The following RASA3 variants were observed in gnomAD, a reference collection of about 807,000 sequenced individuals.
RASA3 encodes ras GTPase-activating protein 3.
RASA3 carries 73 observed loss-of-function variants against 110.0 expected under a neutral mutation model. The ratio of observed to expected loss-of-function variants is 0.66; its 90% CI spans 0.55 to 0.81. RASA3 has a LOEUF of 0.81. Among genes scored for constraint, RASA3 ranks in the 30% least tolerant of loss-of-function variants. RASA3 has a pLI of 0.00. For synonymous variants in RASA3, 500 were observed against 451.4 expected, an observed-to-expected ratio of 1.11 and a Z score of -1.37; for missense variants, 976 against 1,113.2, an observed-to-expected ratio of 0.88 and a Z score of 1.75.
rs148159917 is a variant in RASA3 at position 114,013,217 on chromosome 13, G to C, written c.1437C>G (p.Ser479Arg). 2 of 1,613,236 alleles carry C rather than the reference G, an allele frequency of 1.2e-6. No individual in the cohort carries two copies. Among genetic ancestry groups the C allele is most frequent in the Non-Finnish European group, 1.7e-6 (2 of 1,179,672 alleles). Residue 479 changes from serine to arginine, a missense_variant, in exon 15 of 24, where the codon AGC becomes AGG. Transcript: ENST00000334062. ...CAAAGAACCTCAGGAAGATGAAGCT[G>C]CTCACTGCAGTGTACCTGACGTCCG... The part of the protein sequence containing the change: ...DDPDVRYTAV[S>R]SFIFLRFFAP...
At chr13:114,127,997 C>A (rs1042901017) in intron 1 of RASA3, among the ~76,000 whole-genome samples, 1 of 152,246 alleles carries the variant, frequency 6.6e-6, no homozygotes, top group Non-Finnish European at 1.5e-5. Flanking sequence ...AGGCAAGGCC[C>A]GGGCCCCAGG....
intron 22 of RASA3, among the ~76,000 whole-genome samples, chr13:113,989,407 A>T (rs1237498524): frequency 4.8e-5 from 6 of 125,022 alleles, no homozygotes; most frequent in Non-Finnish European, 6.6e-5. Context: ...TCCATCACTC[A>T]CCCATCCTTC....
At chr13:113,999,745 GCCGGGGGGTCTCCCAGGGGGTCTTTA>G (rs1453356957) in intron 19 of RASA3, 78 bp from the exon 20 acceptor site, 106 of 1,181,702 alleles carry the variant, frequency 9.0e-5, no homozygotes, top group Admixed American at 3.0e-4. Context: ...AGGGGTCTCT[GCCGGGGGGTCTCCCAGGGGGTCTTTA>G]CCGGGGGGTC....
At chr13:114,124,380 A>G (rs988670439) in intron 1 of RASA3, among the ~76,000 whole-genome samples, 2 of 152,218 alleles carry the variant, frequency 1.3e-5, no homozygotes, top group Admixed American at 1.3e-4. Context: ...CAGAAAAACA[A>G]AATCTCCCAG....
intron 1 of RASA3, among the ~76,000 whole-genome samples, chr13:114,087,470 A>G (rs1232627166): frequency 2.0e-5 from 3 of 152,244 alleles, no homozygotes; most frequent in Non-Finnish European, 4.4e-5. Flanking sequence ...GACCTCCTGG[A>G]GATGGGCGCG....
intron 2 of RASA3, among the ~76,000 whole-genome samples, chr13:114,054,258 C>T (rs1448735235): frequency 1.3e-5 from 2 of 152,164 alleles, no homozygotes; most frequent in African/African-American, 4.8e-5. Context: ...TAAATGATGA[C>T]AAATAATTCA....
At position 114,026,714 on chromosome 13, in the gene RASA3, C is replaced by A. The variant is rs552510652; in HGVS notation, c.603+675G>T. Among the ~76,000 whole-genome samples the A allele has an allele frequency of 3.7e-4, 57 of 152,382 alleles. 1 individual carries two copies. Among genetic ancestry groups the A allele is most frequent in the African/African-American group, 1.3e-3 (52 of 41,598 alleles). On this transcript the variant is annotated intron_variant, in intron 7 of 23. Transcript: ENST00000334062. Reference sequence around the variant, plus strand: ...GCCACAGAGGCCTCATCCATCCTCACATCTCCAGGGCCTGTGCACCGGAAT... The same window carrying A: ...GCCACAGAGGCCTCATCCATCCTCAAATCTCCAGGGCCTGTGCACCGGAAT...
Position 114,018,210 on chromosome 13 carries a change from G to A in RASA3, c.985C>T (p.Arg329Trp), listed in dbSNP as rs995188653. The change falls in exon 11 of 24, where the codon CGG becomes TGG. Residue 329 changes from arginine to tryptophan, a missense_variant. Physicochemically the swap from Arg to Trp is moderately radical, Grantham distance 101 (BLOSUM62 -3). Coordinates refer to ENST00000334062, the MANE Select transcript of RASA3 (RefSeq NM_007368.4). ...SAAHILGEVC[R>W]EKQEAAVPLV... ...GGGACGGCCGCCTCCTGCTTCTCCC[G>A]GCAAACCTCGCCCAGGATGTGGGCC... 45 of 1,553,520 alleles carry A rather than the reference G, an allele frequency of 2.9e-5. No individual in the cohort carries two copies. Among genetic ancestry groups the A allele is most frequent in the Non-Finnish European group, 3.7e-5 (43 of 1,148,862 alleles).
At chr13:114,122,194 C>A (rs1392490354) in intron 1 of RASA3, among the ~76,000 whole-genome samples, 1 of 152,220 alleles carries the variant, frequency 6.6e-6, no homozygotes, top group Non-Finnish European at 1.5e-5. Flanking sequence ...CCGCGGTCAG[C>A]CCCACCCCCG....
chr13:114,078,144 C>G (rs1051094952), intron 1 of RASA3, among the ~76,000 whole-genome samples: 1 of 152,200 alleles, frequency 6.6e-6, no homozygotes, highest in Non-Finnish European at 1.5e-5. Context: ...GCCCCGGGGC[C>G]TCGCCGTGTG....
At chr13:114,030,004 T>C in intron 4 of RASA3, 117 bp from the exon 5 acceptor site, 2 of 896,814 alleles carry the variant, frequency 2.2e-6, no homozygotes, top group Non-Finnish European at 3.5e-6. Context: ...CGCCCTGCCC[T>C]GGCCAATGGG....
intron 4 of RASA3, among the ~76,000 whole-genome samples, chr13:114,031,325 GTCTGTGTGTTTGGCTGTGTGTGTCCT>G (rs1419309437): frequency 1.3e-5 from 2 of 151,846 alleles, no homozygotes; most frequent in African/African-American, 4.8e-5. Context: ...GCATCTGCCT[GTCTGTGTGTTTGGCTGTGTGTGTCCT>G]TCTGTGTGTG....
At chr13:114,103,583 A>T (rs56191519) in intron 1 of RASA3, among the ~76,000 whole-genome samples, 2 of 9,936 alleles carry the variant, frequency 2.0e-4, no homozygotes, top group African/African-American at 4.1e-4. Flanking sequence ...ATGCTGCCAC[A>T]GCCACGGACA....
intron 21 of RASA3, among the ~76,000 whole-genome samples, chr13:113,995,700 G>GAC (rs1566452773): frequency 8.5e-6 from 1 of 117,086 alleles, no homozygotes; most frequent in Admixed American, 8.4e-5. Context: ...CTGATGGGGG[G>GAC]CTGGCTGACG....
chr13:114,027,507 T>C (rs2054048699), intron 6 of RASA3, 46 bp from the exon 7 acceptor site: 4 of 1,443,966 alleles, frequency 2.8e-6, no homozygotes, highest in Non-Finnish European at 3.9e-6. Flanking sequence ...ACACTGCTGA[T>C]TCCAAGTCTC....
At chr13:114,080,156 C>T (rs2079760055) in intron 1 of RASA3, among the ~76,000 whole-genome samples, 1 of 152,194 alleles carries the variant, frequency 6.6e-6, no homozygotes, top group African/African-American at 2.4e-5. Flanking sequence ...GAGCCAGGCC[C>T]AGGTCTTGTC....
chr13:114,120,521 G>C (rs1412892261), intron 1 of RASA3, among the ~76,000 whole-genome samples: 2 of 65,424 alleles, frequency 3.1e-5, no homozygotes, highest in African/African-American at 1.1e-4. Flanking sequence ...TCTCCAGCCA[G>C]ACGTCGGTCA....
chr13:114,047,841 GC>G (rs925882688), intron 3 of RASA3, among the ~76,000 whole-genome samples: 25 of 152,354 alleles, frequency 1.6e-4, no homozygotes, highest in African/African-American at 6.0e-4. Flanking sequence ...AGCAGTGGCT[GC>G]CCGGGGCTGT....
At chr13:114,046,905 T>C (rs1193667727) in intron 3 of RASA3, among the ~76,000 whole-genome samples, 1 of 152,216 alleles carries the variant, frequency 6.6e-6, no homozygotes, top group African/African-American at 2.4e-5. Flanking sequence ...CCGACCCTTT[T>C]CTTTGTGCTA....
Sources: allele counts gnomAD v4.1 joint callset (sites outside exome capture counted in the v4.1 genomes callset), GRCh38; gene constraint gnomAD v4.1.1; transcripts MANE v1.5; gene names NCBI Gene and HGNC (gene_info 2026-07-23, HGNC 2026-07-21).